Variants in ZMYM2 observed in about 807,000 individuals in gnomAD.
The protein encoded by ZMYM2 is zinc finger MYM-type protein 2.
Under a neutral mutation model 162.8 loss-of-function variants are expected in ZMYM2, and 56 were observed. That is an observed-to-expected ratio of 0.34 (90% CI 0.28 to 0.43). ZMYM2 has a LOEUF of 0.43. Ranked by LOEUF, ZMYM2 falls within the 20% of genes least tolerant of loss-of-function variation. The pLI is 1.00. For synonymous variants in ZMYM2, 510 were observed against 541.6 expected (o/e 0.94, Z 0.81); for missense variants, 1,275 against 1,621.8 (o/e 0.79, Z 3.67).
the ZMYM2 span, among the ~76,000 whole-genome samples, chr13:19,928,746 A>G: frequency 6.6e-6 from 1 of 151,588 alleles, no homozygotes; most frequent in Non-Finnish European, 1.5e-5. Context: ...GCAGTGAGCT[A>G]TGATGAAGCC....
At chr13:19,935,717 C>T in the ZMYM2 span, among the ~76,000 whole-genome samples, 3 of 152,040 alleles carry the variant, frequency 2.0e-5, no homozygotes, top group African/African-American at 7.2e-5. Flanking sequence ...GAGATCTCAA[C>T]TCATTGCAAC....
At chr13:19,968,523 A>G (rs948720286) in intron 2 of ZMYM2, among the ~76,000 whole-genome samples, 3 of 152,106 alleles carry the variant, frequency 2.0e-5, no homozygotes, top group Admixed American at 1.3e-4. Context: ...TGGCCTCCCA[A>G]AGTGCTGGGA....
chr13:20,056,841 T>G (rs1230756418), intron 14 of ZMYM2, among the ~76,000 whole-genome samples: 1 of 152,144 alleles, frequency 6.6e-6, no homozygotes, highest in African/African-American at 2.4e-5. Context: ...GAGCACAGTC[T>G]CAATTTTAAG....
intron 6 of ZMYM2, among the ~76,000 whole-genome samples, chr13:20,015,596 C>G (rs2065957889): frequency 1.3e-5 from 2 of 152,024 alleles, no homozygotes; most frequent in Non-Finnish European, 2.9e-5. Context: ...CTGCTTCTAC[C>G]TCAGTTATTG....
At chr13:19,970,571 G>A (rs1040363816) in intron 2 of ZMYM2, among the ~76,000 whole-genome samples, 1 of 145,876 alleles carries the variant, frequency 6.9e-6, no homozygotes, top group Non-Finnish European at 1.5e-5. Flanking sequence ...ATTCAGTGTG[G>A]GTCAGGGAGG....
chr13:19,885,349 T>C, the ZMYM2 span, among the ~76,000 whole-genome samples: 1 of 152,232 alleles, frequency 6.6e-6, no homozygotes, highest in African/African-American at 2.4e-5. Context: ...TTTGGGTTTC[T>C]TAAGCTAGGA....
the ZMYM2 span, among the ~76,000 whole-genome samples, chr13:19,900,595 G>A: frequency 6.6e-6 from 1 of 152,058 alleles, no homozygotes; most frequent in African/African-American, 2.4e-5. Flanking sequence ...TTGATTTTAT[G>A]GGGCCACCAT....
At chr13:19,978,935 ACTT>A (rs1240905094) in intron 2 of ZMYM2, among the ~76,000 whole-genome samples, 2 of 152,112 alleles carry the variant, frequency 1.3e-5, no homozygotes, top group African/African-American at 4.8e-5. Flanking sequence ...CAGGAAATGA[ACTT>A]CTTTCTGCTT....
chr13:19,964,002 G>A (rs1380290315), intron 2 of ZMYM2, among the ~76,000 whole-genome samples: 2 of 152,112 alleles, frequency 1.3e-5, no homozygotes, highest in African/African-American at 2.4e-5. Context: ...TGAAAGAAGG[G>A]TATAGCTGTT....
intron 12 of ZMYM2, among the ~76,000 whole-genome samples, chr13:20,037,142 T>G (rs1953779864): frequency 6.6e-6 from 1 of 152,114 alleles, no homozygotes; most frequent in East Asian, 1.9e-4. Flanking sequence ...ATACCTATAT[T>G]TTCAGCATTG....
intron 18 of ZMYM2, among the ~76,000 whole-genome samples, chr13:20,063,211 T>C (rs1956362557): frequency 6.6e-6 from 1 of 152,026 alleles, no homozygotes. Flanking sequence ...AAGACCAGCC[T>C]GGGCAATGTG....
the ZMYM2 span, among the ~76,000 whole-genome samples, chr13:19,936,247 A>AT: frequency 2.0e-5 from 3 of 152,068 alleles, no homozygotes; most frequent in Admixed American, 2.0e-4. Context: ...TTATATGGTG[A>AT]TTTTTCCCAT....
At chr13:20,040,255 C>G (rs967702344) in intron 12 of ZMYM2, among the ~76,000 whole-genome samples, 2 of 152,076 alleles carry the variant, frequency 1.3e-5, no homozygotes, top group Non-Finnish European at 2.9e-5. Context: ...ATTACTGATT[C>G]AATTTCGGAG....
intron 7 of ZMYM2, among the ~76,000 whole-genome samples, chr13:20,021,439 T>C (rs1004680030): frequency 1.3e-5 from 2 of 152,026 alleles, no homozygotes; most frequent in Non-Finnish European, 2.9e-5. Flanking sequence ...TTTCACATTA[T>C]TGGTTGCTGG....
intron 2 of ZMYM2, among the ~76,000 whole-genome samples, chr13:19,987,620 CGTGTGTGTGTGTGTGTGTGTGT>C (rs756005409): frequency 2.5e-5 from 3 of 121,360 alleles, no homozygotes; most frequent in African/African-American, 6.6e-5. Flanking sequence ...GGGGTTTTGT[CGTGTGTGTGTGTGTGTGTGTGT>C]GTGTGTGTGT....
intron 2 of ZMYM2, among the ~76,000 whole-genome samples, 170 bp from the exon 3 acceptor site, chr13:19,992,893 A>G (rs1310918487): frequency 6.6e-6 from 1 of 152,148 alleles, no homozygotes; most frequent in African/African-American, 2.4e-5. Context: ...CATGTAAACT[A>G]TATGAAATGA....
the ZMYM2 span, among the ~76,000 whole-genome samples, chr13:19,866,660 G>A: frequency 9.2e-5 from 14 of 152,044 alleles, no homozygotes; most frequent in Non-Finnish European, 1.8e-4. Context: ...GCGAAACTCC[G>A]TCTCAAAAAC....
At chr13:19,889,411 C>T in the ZMYM2 span, among the ~76,000 whole-genome samples, 5 of 151,956 alleles carry the variant, frequency 3.3e-5, no homozygotes, top group Admixed American at 6.6e-5. Context: ...CTCTGCCTCC[C>T]GGGTTCAAGC....
At chr13:20,076,846 A>T (rs1957539931) in intron 21 of ZMYM2, among the ~76,000 whole-genome samples, 1 of 149,502 alleles carries the variant, frequency 6.7e-6, no homozygotes, top group Admixed American at 6.6e-5. Context: ...ATTTTATTTT[A>T]TTTTTTTTGA....
Sources: gnomAD v4.1 joint callset for allele counts (sites outside exome capture counted in the v4.1 genomes callset) on GRCh38, gnomAD v4.1.1 for gene constraint, MANE v1.5 for transcripts, NCBI Gene and HGNC (gene_info 2026-07-23, HGNC 2026-07-21) for gene names.